The following RUNX2 variants were observed in gnomAD, a reference collection of about 807,000 sequenced individuals.
RUNX2 encodes the protein runt-related transcription factor 2.
In RUNX2, 10 loss-of-function variants were observed where a neutral mutation model predicts 51.7. That is an observed-to-expected ratio of 0.19 (90% CI 0.12 to 0.33). The LOEUF (loss-of-function observed/expected upper bound fraction) is 0.33. Ranked by LOEUF, RUNX2 falls within the 10% of genes least tolerant of loss-of-function variation. The probability of loss-of-function intolerance (pLI) is 1.00; values close to 1 mark genes in which losing one functional copy is unlikely to be tolerated. For synonymous variants in RUNX2, 276 were observed against 273.6 expected, an observed-to-expected ratio of 1.01 and a Z score of -0.09; for missense variants, 562 against 691.3, an observed-to-expected ratio of 0.81 and a Z score of 2.10.
chr6:45,389,936 A>T (rs756530243), intron 2 of RUNX2, among the ~76,000 whole-genome samples: 1 of 151,806 alleles, frequency 6.6e-6, no homozygotes, highest in African/African-American at 2.4e-5. Context: ...AACCTGGGAG[A>T]TGGAGGTTGC....
chr6:45,422,910 C>T lies in RUNX2; in HGVS notation c.376C>T (p.Leu126=), dbSNP rs1296438530. The T allele has an allele frequency of 6.2e-7, 1 of 1,612,840 alleles. No homozygotes were observed. The part of the protein sequence containing the change: ...TDSPNFLCSV[L]PSHWRCNKTL... Reference sequence around the variant, plus strand: ...CAGCCCCAACTTCCTGTGCTCGGTGCTGCCCTCGCACTGGCGCTGCAACAA... The same window carrying T: ...CAGCCCCAACTTCCTGTGCTCGGTGTTGCCCTCGCACTGGCGCTGCAACAA... Residue 126 remains leucine, a synonymous_variant, in exon 3 of 9, where the codon CTG becomes TTG. Transcript: ENST00000647337.
chr6:45,436,233 C>T (rs970110480), intron 4 of RUNX2, among the ~76,000 whole-genome samples: 7 of 151,816 alleles, frequency 4.6e-5, no homozygotes, highest in Non-Finnish European at 7.4e-5. Context: ...AAATAAATTA[C>T]TTATTAATTT....
chr6:45,479,712 T>C (rs968172753), intron 5 of RUNX2, among the ~76,000 whole-genome samples: 5 of 152,224 alleles, frequency 3.3e-5, no homozygotes, highest in Non-Finnish European at 7.3e-5. Context: ...TCCACAAAAC[T>C]TAACACTACA....
intron 5 of RUNX2, among the ~76,000 whole-genome samples, chr6:45,483,164 G>T (rs1800163553): frequency 6.6e-6 from 1 of 152,148 alleles, no homozygotes; most frequent in African/African-American, 2.4e-5. Flanking sequence ...ATTTCCAGCG[G>T]CTCAAAGGGC....
intron 2 of RUNX2, among the ~76,000 whole-genome samples, chr6:45,416,149 T>C (rs553586705): frequency 3.3e-5 from 5 of 152,224 alleles, no homozygotes; most frequent in Non-Finnish European, 7.3e-5. Context: ...TGGTGACTTA[T>C]AATAACTGGC....
chr6:45,380,421 C>T (rs574071497), intron 2 of RUNX2, among the ~76,000 whole-genome samples: 2 of 152,152 alleles, frequency 1.3e-5, no homozygotes, highest in Non-Finnish European at 2.9e-5. Flanking sequence ...GTAATATTCA[C>T]GTAGACTCAC....
chr6:45,516,523 A>G (rs946916814), intron 7 of RUNX2, among the ~76,000 whole-genome samples: 8 of 152,232 alleles, frequency 5.3e-5, no homozygotes, highest in African/African-American at 1.7e-4. Context: ...ATATGGCCTC[A>G]TCATATAATA....
At chr6:45,347,837 T>C (rs1030234255) in intron 2 of RUNX2, among the ~76,000 whole-genome samples, 2 of 152,072 alleles carry the variant, frequency 1.3e-5, no homozygotes, top group Non-Finnish European at 2.9e-5. Context: ...TGTATTCACA[T>C]TGTAATTACT....
At chr6:45,365,083 A>T in intron 2 of RUNX2, 1 of 684,818 alleles carries the variant, frequency 1.5e-6, no homozygotes, top group Non-Finnish European at 2.2e-6. Context: ...TTTCATTTTT[A>T]CTTGATTAAT....
At chr6:45,391,861 G>T (rs1797478465) in intron 2 of RUNX2, among the ~76,000 whole-genome samples, 1 of 152,134 alleles carries the variant, frequency 6.6e-6, no homozygotes, top group Admixed American at 6.5e-5. Flanking sequence ...ATGAGATTTG[G>T]GTGGGGACAC....
intron 4 of RUNX2, among the ~76,000 whole-genome samples, chr6:45,434,286 C>T (rs576692650): frequency 6.6e-6 from 1 of 152,312 alleles, no homozygotes; most frequent in African/African-American, 2.4e-5. Context: ...TTATAACAGA[C>T]TCTTCCAGCT....
At chr6:45,440,035 G>T (rs1798797804) in intron 5 of RUNX2, among the ~76,000 whole-genome samples, 1 of 152,222 alleles carries the variant, frequency 6.6e-6, no homozygotes, top group Non-Finnish European at 1.5e-5. Flanking sequence ...GTGGTGCCCA[G>T]GGTGGGCGGT....
intron 5 of RUNX2, among the ~76,000 whole-genome samples, chr6:45,458,089 C>T (rs576228286): frequency 4.1e-5 from 6 of 145,712 alleles, no homozygotes; most frequent in East Asian, 2.0e-4. Flanking sequence ...TGCAATGGCG[C>T]GATCTCAGCT....
chr6:45,549,484 G>C lies in RUNX2; in HGVS notation c.*2179G>C. ...AAAGGCCGTATACCAAGTATGCTTA[G>C]ATAAATAAGCCACTTTTCTATTACT... On this transcript the variant is annotated 3_prime_UTR_variant, in exon 9 of 9. Transcript: ENST00000647337. 2.5e-6 allele frequency: 1 copy of C among 397,770 alleles called. No homozygotes were observed. The highest frequency in any genetic ancestry group is 3.6e-5 in the East Asian group (1 of 28,078). 24.6% of individuals were successfully genotyped at this position (397,770 alleles called of 1,614,324 possible).
intron 7 of RUNX2, among the ~76,000 whole-genome samples, chr6:45,532,139 C>T (rs1194350865): frequency 7.4e-6 from 1 of 134,956 alleles, no homozygotes; most frequent in Non-Finnish European, 1.6e-5. Context: ...TTTGAATTGA[C>T]ATTTTGTACA....
intron 2 of RUNX2, among the ~76,000 whole-genome samples, chr6:45,374,459 A>T (rs933468029): frequency 3.3e-5 from 5 of 152,216 alleles, no homozygotes; most frequent in African/African-American, 1.2e-4. Context: ...CCCAAATCAC[A>T]TGGTTAGGAA....
intron 2 of RUNX2, among the ~76,000 whole-genome samples, chr6:45,362,505 A>G (rs553218764): frequency 3.9e-5 from 6 of 152,356 alleles, no homozygotes; most frequent in African/African-American, 1.4e-4. Flanking sequence ...TTAAATGTAT[A>G]TTGAGTCTAA....
chr6:45,437,828 T>C, intron 4 of RUNX2, 119 bp from the exon 5 acceptor site: 3 of 779,732 alleles, frequency 3.8e-6, no homozygotes, highest in Non-Finnish European at 6.8e-6. Context: ...CTGCCTCTTG[T>C]CTTTGTTTCA....
chr6:45,419,547 T>C (rs1208595805), intron 2 of RUNX2, among the ~76,000 whole-genome samples: 1 of 152,154 alleles, frequency 6.6e-6, no homozygotes. Context: ...ACGTGTAAGG[T>C]AGGACAGCAA....
Sources: allele counts gnomAD v4.1 joint callset (sites outside exome capture counted in the v4.1 genomes callset), GRCh38; gene constraint gnomAD v4.1.1; transcripts MANE v1.5; gene names NCBI Gene and HGNC (gene_info 2026-07-23, HGNC 2026-07-21).